Variants in LINGO2 observed in about 807,000 individuals in gnomAD.
LINGO2 encodes the protein leucine-rich repeat and immunoglobulin-like domain-containing nogo receptor-interacting protein 2.
A neutral mutation model predicts 30.6 loss-of-function variants in LINGO2; 14 were observed. The observed-to-expected ratio is 0.46, with a 90% CI of 0.30 to 0.72. The LOEUF is 0.72. Among genes scored for constraint, LINGO2 ranks in the 30% least tolerant of loss-of-function variants. The pLI is 0.07. For synonymous variants in LINGO2, 317 were observed against 288.5 expected (o/e 1.10, Z -1.00); for missense variants, 729 against 751.7 (o/e 0.97, Z 0.35).
chr9:28,375,101 C>T (rs1821070201), intron 2 of LINGO2, among the ~76,000 whole-genome samples: 1 of 51,510 alleles, frequency 1.9e-5, no homozygotes, highest in African/African-American at 4.5e-5. Flanking sequence ...CACACACACA[C>T]ACACACACAC....
At chr9:28,342,724 T>TA in intron 3 of LINGO2, among the ~76,000 whole-genome samples, 1 of 152,096 alleles carries the variant, frequency 6.6e-6, no homozygotes, top group Non-Finnish European at 1.5e-5. Context: ...GTAAAAAACT[T>TA]ACAAATGTAG....
At chr9:28,688,126 C>T in the LINGO2 span, among the ~76,000 whole-genome samples, 1 of 152,276 alleles carries the variant, frequency 6.6e-6, no homozygotes, top group East Asian at 1.9e-4. Flanking sequence ...ATGGAAACTT[C>T]ACATACAGAG....
chr9:28,907,287 T>C, the LINGO2 span, among the ~76,000 whole-genome samples: 1 of 151,940 alleles, frequency 6.6e-6, no homozygotes, highest in Non-Finnish European at 1.5e-5. Flanking sequence ...AGATGAAAAT[T>C]GATTTGTGCC....
intron 2 of LINGO2, among the ~76,000 whole-genome samples, chr9:28,441,685 C>A (rs1469291337): frequency 6.6e-6 from 1 of 152,102 alleles, no homozygotes; most frequent in African/African-American, 2.4e-5. Flanking sequence ...AGTTACCACG[C>A]TTTTCATAAA....
chr9:28,394,122 A>G (rs548579953), intron 2 of LINGO2, among the ~76,000 whole-genome samples: 3 of 152,294 alleles, frequency 2.0e-5, no homozygotes, highest in African/African-American at 7.2e-5. Flanking sequence ...TAAGACACCA[A>G]TGGATTCGCC....
At chr9:28,216,068 G>C (rs924607621) in intron 4 of LINGO2, among the ~76,000 whole-genome samples, 2 of 151,798 alleles carry the variant, frequency 1.3e-5, no homozygotes, top group Non-Finnish European at 2.9e-5. Context: ...TTAAGACTGG[G>C]AGAACTAAGC....
chr9:28,410,673 T>G (rs1158569741), intron 2 of LINGO2, among the ~76,000 whole-genome samples: 1 of 152,114 alleles, frequency 6.6e-6, no homozygotes, highest in Non-Finnish European at 1.5e-5. Context: ...TTGTTCTCTA[T>G]TACAATCTGT....
chr9:28,976,851 T>C, the LINGO2 span, among the ~76,000 whole-genome samples: 2 of 152,002 alleles, frequency 1.3e-5, no homozygotes, highest in Admixed American at 1.3e-4. Flanking sequence ...AATGAAATGG[T>C]CTATCAGTTC....
At chr9:28,713,448 T>C in the LINGO2 span, among the ~76,000 whole-genome samples, 1 of 152,274 alleles carries the variant, frequency 6.6e-6, no homozygotes, top group South Asian at 2.1e-4. Context: ...TATGATCATA[T>C]GACTATGCTA....
Position 28,232,168 on chromosome 9 carries a change from G to T in LINGO2, c.-87+63040C>A, listed in dbSNP as rs551256985. Among the ~76,000 whole-genome samples the T allele has an allele frequency of 1.7e-4, 26 of 152,186 alleles. 1 individual carries two copies. The highest frequency in any genetic ancestry group is 1.4e-3 in the Admixed American group (22 of 15,286). ...AATCCAAGAACTTTGGGAGGCCAAGGCGGGCAGATCACTTGAGGTCAGGAG... is the reference window on the plus strand; with the variant it reads ...AATCCAAGAACTTTGGGAGGCCAAGTCGGGCAGATCACTTGAGGTCAGGAG... On this transcript the variant is annotated intron_variant, in intron 4 of 5. Coordinates refer to ENST00000379992, the Ensembl canonical transcript of LINGO2.
At chr9:28,986,704 C>A in the LINGO2 span, among the ~76,000 whole-genome samples, 1 of 151,792 alleles carries the variant, frequency 6.6e-6, no homozygotes, top group Admixed American at 6.6e-5. Flanking sequence ...ATTTCATACA[C>A]CTAAACTGCC....
intron 1 of LINGO2, among the ~76,000 whole-genome samples, chr9:28,544,677 T>C (rs1398925244): frequency 6.6e-6 from 1 of 151,840 alleles, no homozygotes; most frequent in East Asian, 1.9e-4. Flanking sequence ...ACTAGCATCA[T>C]ATTAAAAATG....
At chr9:28,751,996 G>C in the LINGO2 span, among the ~76,000 whole-genome samples, 13 of 152,074 alleles carry the variant, frequency 8.5e-5, no homozygotes, top group East Asian at 2.1e-3. Context: ...CATTTAAATA[G>C]AGTAAAAACC....
the LINGO2 span, among the ~76,000 whole-genome samples, chr9:28,889,994 C>A: frequency 6.6e-6 from 1 of 152,064 alleles, no homozygotes; most frequent in Admixed American, 6.6e-5. Flanking sequence ...TATGCCTGTT[C>A]ACACACAGGG....
the LINGO2 span, among the ~76,000 whole-genome samples, chr9:28,760,959 C>CACACACACACATAT: frequency 6.7e-6 from 1 of 149,308 alleles, no homozygotes; most frequent in Non-Finnish European, 1.5e-5. Flanking sequence ...CACACACATA[C>CACACACACACATAT]ACACACACAC....
intron 1 of LINGO2, among the ~76,000 whole-genome samples, chr9:28,608,012 T>C (rs1019025507): frequency 3.9e-5 from 6 of 152,024 alleles, no homozygotes; most frequent in Non-Finnish European, 8.8e-5. Flanking sequence ...AAATTAATGG[T>C]TTGCATATGT....
chr9:28,497,630 T>A (rs1290534642), intron 1 of LINGO2, among the ~76,000 whole-genome samples: 1 of 152,180 alleles, frequency 6.6e-6, no homozygotes, highest in African/African-American at 2.4e-5. Flanking sequence ...TGGAGAAGTT[T>A]GATTGTCTAA....
intron 1 of LINGO2, among the ~76,000 whole-genome samples, chr9:28,529,165 T>C (rs1298999850): frequency 6.6e-6 from 1 of 152,154 alleles, no homozygotes; most frequent in African/African-American, 2.4e-5. Flanking sequence ...CCCATTCTCC[T>C]TCCAGTACCT....
chr9:28,387,041 G>A (rs1821609999), intron 2 of LINGO2, among the ~76,000 whole-genome samples: 1 of 152,146 alleles, frequency 6.6e-6, no homozygotes, highest in South Asian at 2.1e-4. Flanking sequence ...AAGCCAGCTG[G>A]ACTTCCTGGG....
Sources: gnomAD v4.1 joint callset for allele counts (sites outside exome capture counted in the v4.1 genomes callset) on GRCh38, gnomAD v4.1.1 for gene constraint, MANE v1.5 for transcripts, NCBI Gene and HGNC (gene_info 2026-07-23, HGNC 2026-07-21) for gene names.